The following ZNF808 variants were observed in gnomAD, a reference collection of about 807,000 sequenced individuals.
ZNF808 encodes the protein zinc finger protein 808.
A neutral mutation model predicts 8.7 loss-of-function variants in ZNF808; 5 were observed. The ratio of observed to expected loss-of-function variants is 0.58; its 90% CI spans 0.30 to 1.21. The LOEUF (loss-of-function observed/expected upper bound fraction) is 1.21. ZNF808 is among the 50% of genes most tolerant of loss of function. The pLI, the probability that ZNF808 is intolerant of heterozygous loss-of-function variation, is 0.07. For missense variants in ZNF808, 1,103 were observed against 1,098.4 expected (o/e 1.00, Z -0.06); for synonymous variants, 380 against 366.0 (o/e 1.04, Z -0.44).
chr19:52,541,246 G>GT (rs2059667397), intron 2 of ZNF808, among the ~76,000 whole-genome samples: 1 of 150,726 alleles, frequency 6.6e-6, no homozygotes, highest in Non-Finnish European at 1.5e-5. Flanking sequence ...CACCCCGCCT[G>GT]GCCTTTTTTT....
chr19:52,550,808 A>T (rs2059769257), intron 4 of ZNF808, among the ~76,000 whole-genome samples: 1 of 152,196 alleles, frequency 6.6e-6, no homozygotes, highest in African/African-American at 2.4e-5. Context: ...AGATGGCTTC[A>T]TATAAGTTTT....
intron 2 of ZNF808, among the ~76,000 whole-genome samples, chr19:52,541,938 G>T (rs1361615575): frequency 1.3e-5 from 2 of 152,144 alleles, no homozygotes; most frequent in Non-Finnish European, 2.9e-5. Context: ...GCACATCTCA[G>T]ATGAGAGTGA....
At chr19:52,561,235 T>C (rs1405831964), downstream of ZNF808, among the ~76,000 whole-genome samples, 1 of 134,628 alleles carries the variant, frequency 7.4e-6, no homozygotes, top group African/African-American at 2.7e-5. Flanking sequence ...TATATATATA[T>C]ATATACACTT....
At chr19:52,529,494 TTTAAA>T (rs2059541200) in intron 1 of ZNF808, among the ~76,000 whole-genome samples, 1 of 152,180 alleles carries the variant, frequency 6.6e-6, no homozygotes, top group African/African-American at 2.4e-5. Context: ...TAAAAACTTG[TTTAAA>T]TTATACAGAT....
chr19:52,542,373 G>A (rs986375932), intron 2 of ZNF808, among the ~76,000 whole-genome samples: 35 of 152,234 alleles, frequency 2.3e-4, no homozygotes, highest in Admixed American at 3.9e-4. Flanking sequence ...AGCCCCACGG[G>A]TCGCTTTCCT....
At position 52,555,383 on chromosome 19, in the gene ZNF808, G is replaced by A. The variant is rs765266073; in HGVS notation, c.2467G>A (p.Glu823Lys). ...HTAEKPYKCN[E>K]CGKAFNEQSH... The stretch of plus-strand genomic sequence containing the variant: ...TGCAGAGAAACCTTACAAGTGTAAT[G>A]AATGTGGAAAGGCTTTTAATGAACA... Residue 823 changes from glutamate (E) to lysine (K), a missense_variant, in exon 5 of 5, where the codon GAA becomes AAA. Glu to Lys is a moderately conservative substitution (Grantham distance 56). Transcript: ENST00000359798. 2 of 1,614,156 alleles carry A rather than the reference G, an allele frequency of 1.2e-6. No homozygotes were observed. Among genetic ancestry groups the A allele is most frequent in the African/African-American group, 1.3e-5 (1 of 75,046 alleles).
chr19:52,558,205 C>A (rs2059845139), downstream of ZNF808, among the ~76,000 whole-genome samples: 1 of 150,488 alleles, frequency 6.6e-6, no homozygotes, highest in South Asian at 2.1e-4. Context: ...CCTGCCTCAG[C>A]CTCCGGAGTA....
At chr19:52,535,810 C>T (rs908542798) in intron 2 of ZNF808, among the ~76,000 whole-genome samples, 5 of 152,186 alleles carry the variant, frequency 3.3e-5, no homozygotes, top group African/African-American at 1.2e-4. Context: ...CCTGGCCGCT[C>T]TCACCTCCAA....
At chr19:52,550,367 A>T (rs2059765027) in intron 4 of ZNF808, among the ~76,000 whole-genome samples, 1 of 151,896 alleles carries the variant, frequency 6.6e-6, no homozygotes, top group South Asian at 2.1e-4. Context: ...AGTAGCTGGG[A>T]TTAGAGGCAT....
At chr19:52,543,771 A>T (rs573589856) in intron 3 of ZNF808, among the ~76,000 whole-genome samples, 1 of 152,174 alleles carries the variant, frequency 6.6e-6, no homozygotes, top group Non-Finnish European at 1.5e-5. Flanking sequence ...GACGAATAAG[A>T]GGAGATATTT....
chr19:52,538,399 A>G (rs1478690473), intron 2 of ZNF808, among the ~76,000 whole-genome samples: 19 of 151,578 alleles, frequency 1.3e-4, no homozygotes, highest in Admixed American at 1.1e-3. Context: ...CTGGAGTGCA[A>G]TGGCACAATC....
chr19:52,550,778 TA>T (rs972919849), intron 4 of ZNF808, among the ~76,000 whole-genome samples: 1 of 152,136 alleles, frequency 6.6e-6, no homozygotes, highest in African/African-American at 2.4e-5. Context: ...ACCTGCTTTT[TA>T]AAACAAGTGA....
chr19:52,556,806 C>T (rs2059839084), downstream of ZNF808: 1 of 151,902 alleles, frequency 6.6e-6, no homozygotes, highest in Non-Finnish European at 1.5e-5. Flanking sequence ...ACCAGTTAGT[C>T]TGGTTTTCAG....
chr19:52,547,504 C>T lies in ZNF808; in HGVS notation c.64-8C>T, dbSNP rs760649329. The T allele has an allele frequency of 4.3e-6, 7 of 1,613,320 alleles. No individual in the cohort carries two copies. In the African/African-American group the frequency reaches 9.3e-5, roughly 22 times the overall value. ...TAATGTTTTGTTGAAATGTATGTTT[C>T]ATTTTAGGGACGCTTGACTTTCAGG... On this transcript the variant is annotated splice_region_variant and splice_polypyrimidine_tract_variant and intron_variant, in intron 3 of 4. Coordinates refer to ENST00000359798, the MANE Select transcript of ZNF808 (RefSeq NM_001039886.4).
rs757880914 is a variant in ZNF808 at position 52,554,005 on chromosome 19, A to G, written c.1089A>G (p.Arg363=). ...NQQSHLSRHQ[R]LHTGVKPYKC... ...AATCACACCTTTCACGCCATCAAAG[A>G]CTTCATACTGGAGTGAAACCTTACA... Residue 363 remains arginine (R), a synonymous_variant, in exon 5 of 5, where the codon AGA becomes AGG. Transcript: ENST00000359798. 1 of 1,614,152 alleles carries G rather than the reference A, an allele frequency of 6.2e-7. No individual in the cohort carries two copies. Among genetic ancestry groups the G allele is most frequent in the East Asian group, 2.2e-5 (1 of 44,878 alleles).
At chr19:52,557,234 G>A (rs1435698132), downstream of ZNF808, among the ~76,000 whole-genome samples, 1 of 150,930 alleles carries the variant, frequency 6.6e-6, no homozygotes, top group African/African-American at 2.4e-5. Flanking sequence ...CTCCCAAGGT[G>A]CTGGGATTAC....
Position 52,553,183 on chromosome 19 carries a change from A to G in ZNF808, c.267A>G (p.Thr89=), listed in dbSNP as rs1475918638. The G allele has an allele frequency of 1.2e-6, 2 of 1,613,190 alleles. No individual in the cohort carries two copies. The highest frequency in any genetic ancestry group is 2.2e-5 in the East Asian group (1 of 44,884). Residue 89 remains threonine (T), a synonymous_variant, in exon 5 of 5, where the codon ACA becomes ACG. Coordinates refer to ENST00000359798, the MANE Select transcript of ZNF808 (RefSeq NM_001039886.4). The part of the protein sequence containing the change: ...QGNREVIHTG[T]LQRHQSYHIG... ...ATAGAGAAGTGATCCACACAGGGAC[A>G]TTGCAAAGACATCAAAGTTATCACA...
At chr19:52,536,955 G>A (rs1271857901) in intron 2 of ZNF808, among the ~76,000 whole-genome samples, 2 of 152,132 alleles carry the variant, frequency 1.3e-5, no homozygotes, top group Admixed American at 1.3e-4. Context: ...GGGAAGCTTA[G>A]GCGGGCGGAT....
intron 2 of ZNF808, among the ~76,000 whole-genome samples, chr19:52,539,776 C>A (rs606521): frequency 0.33 from 49,108 of 151,050 alleles, 8,603 homozygotes; most frequent in East Asian, 0.51. Flanking sequence ...TGGTCTTGAA[C>A]TCCTGACCTC....
Sources: gnomAD v4.1 joint callset for allele counts (sites outside exome capture counted in the v4.1 genomes callset) on GRCh38, gnomAD v4.1.1 for gene constraint, MANE v1.5 for transcripts, NCBI Gene and HGNC (gene_info 2026-07-23, HGNC 2026-07-21) for gene names.